Variants in VAMP7 observed in about 807,000 individuals in gnomAD.
VAMP7 encodes the protein vesicle associated membrane protein 7.
In VAMP7, 14 loss-of-function variants were observed where a neutral mutation model predicts 29.6. The observed-to-expected ratio is 0.47, with a 90% CI of 0.31 to 0.74. The LOEUF (loss-of-function observed/expected upper bound fraction) is 0.74, where lower values mean the gene tolerates loss of function less well. Ranked by LOEUF, VAMP7 falls within the 30% of genes least tolerant of loss-of-function variation. The pLI, the probability that VAMP7 is intolerant of heterozygous loss-of-function variation, is 0.05. For synonymous variants in VAMP7, 95 were observed against 88.1 expected (o/e 1.08, Z -0.44); for missense variants, 223 against 262.4 (o/e 0.85, Z 1.04).
At chrX:155,927,832 T>C (rs1035907721) in intron 6 of VAMP7, among the ~76,000 whole-genome samples, 1 of 151,966 alleles carries the variant, frequency 6.6e-6, no homozygotes, top group African/African-American at 2.4e-5. Context: ...TTTCATATGT[T>C]CTCAAAGAGA....
intron 6 of VAMP7, among the ~76,000 whole-genome samples, chrX:155,929,298 A>G (rs2066514091): frequency 6.6e-6 from 1 of 152,214 alleles, no homozygotes; most frequent in Non-Finnish European, 1.5e-5. Flanking sequence ...AAAAAAGGAG[A>G]GGCAGTATCT....
intron 5 of VAMP7, among the ~76,000 whole-genome samples, chrX:155,918,638 C>A (rs776490739): frequency 4.9e-4 from 75 of 152,250 alleles, no homozygotes; most frequent in African/African-American, 1.7e-3. Context: ...TGGGCTGCAC[C>A]CACTGTCTAA....
chrX:155,932,950 A>G lies in VAMP7; in HGVS notation c.502-6751A>G, dbSNP rs923096033. Among the ~76,000 whole-genome samples, 67 of 152,074 alleles carry G rather than the reference A, an allele frequency of 4.4e-4. 2 individuals carry two copies. Among genetic ancestry groups the G allele is most frequent in the Non-Finnish European group, 1.0e-4 (7 of 68,028 alleles). Reference sequence around the variant, plus strand: ...TTTGTCAAAGGCCTTTTCTGCATCTATTGAGATGATCGTGTGTTTTTTGTC... The same window carrying G: ...TTTGTCAAAGGCCTTTTCTGCATCTGTTGAGATGATCGTGTGTTTTTTGTC... On this transcript the variant is annotated intron_variant, in intron 6 of 7. Transcript: ENST00000286448.
At chrX:155,915,459 G>A (rs1007462720) in intron 5 of VAMP7, among the ~76,000 whole-genome samples, 7 of 152,076 alleles carry the variant, frequency 4.6e-5, no homozygotes, top group African/African-American at 1.4e-4. Context: ...TGATGTTAGG[G>A]TGTTGACTTT....
chrX:155,890,119 A>G (rs2065910015), intron 2 of VAMP7, among the ~76,000 whole-genome samples: 2 of 151,942 alleles, frequency 1.3e-5, no homozygotes, highest in East Asian at 3.9e-4. Context: ...AAGTAGAAGG[A>G]ACAGCAGGTA....
Position 155,898,177 on chromosome X carries a change from C to T in VAMP7, c.270C>T (p.Tyr90=), listed in dbSNP as rs147961723. 189 of 1,613,566 alleles carry T rather than the reference C, an allele frequency of 1.2e-4. No homozygotes were observed. The African/African-American group carries it at 2.1e-3, about 18-fold the overall frequency. The change falls in exon 4 of 8, where the codon TAC becomes TAT. Residue 90 remains tyrosine (Y), a synonymous_variant. Transcript: ENST00000286448. Reference sequence around the variant, plus strand: ...TAAAGAAGAGGTTCCAGACTACTTACGGTTCAAGAGCACAGACAGCACTTC... The same window carrying T: ...TAAAGAAGAGGTTCCAGACTACTTATGGTTCAAGAGCACAGACAGCACTTC... ...NEIKKRFQTT[Y]GSRAQTALPY... is the part of the protein sequence containing the mutation.
intron 3 of VAMP7, among the ~76,000 whole-genome samples, chrX:155,897,305 C>G (rs781713768): frequency 6.6e-6 from 1 of 152,162 alleles, no homozygotes; most frequent in South Asian, 2.1e-4. Flanking sequence ...ATTTAAGAAC[C>G]CTTGGCTTAG....
At chrX:155,909,123 G>A (rs1350625742) in intron 5 of VAMP7, among the ~76,000 whole-genome samples, 3 of 152,052 alleles carry the variant, frequency 2.0e-5, no homozygotes, top group Non-Finnish European at 2.9e-5. Flanking sequence ...CTCCATGCCC[G>A]GCCTGAAGTT....
intron 1 of VAMP7, among the ~76,000 whole-genome samples, chrX:155,888,997 A>G (rs1242557742): frequency 2.0e-5 from 3 of 152,168 alleles, no homozygotes; most frequent in Admixed American, 6.6e-5. Flanking sequence ...TAAACAATAA[A>G]TATAGGCTAT....
At position 155,910,970 on chromosome X, in the gene VAMP7, G is replaced by A. The variant is rs767999913; in HGVS notation, c.434-8843G>A. The stretch of plus-strand genomic sequence containing the variant: ...GTCCTATTTGTCTATTTTTCTTTTC[G>A]TTACCTGTCCTTTTGAGGTGTTAGC... On this transcript the variant is annotated intron_variant, in intron 5 of 7. Transcript: ENST00000286448. Among the ~76,000 whole-genome samples the A allele has an allele frequency of 7.3e-5, 11 of 151,716 alleles. No individual in the cohort carries two copies. The South Asian group carries it at 2.1e-3, about 29-fold the overall frequency.
chrX:155,898,045 G>A, intron 3 of VAMP7, 67 bp from the exon 4 acceptor site: 2 of 1,564,786 alleles, frequency 1.3e-6, no homozygotes, highest in Non-Finnish European at 1.7e-6. Flanking sequence ...TTTTATTGTT[G>A]TTCTTAATCA....
chrX:155,895,759 G>T, intron 3 of VAMP7, 79 bp downstream of exon 3: 3 of 1,334,782 alleles, frequency 2.2e-6, no homozygotes, highest in South Asian at 2.5e-5. Context: ...TATACCAGGG[G>T]TCCCCAACCC....
intron 1 of VAMP7, among the ~76,000 whole-genome samples, chrX:155,888,893 A>G (rs1450591354): frequency 6.6e-6 from 1 of 152,170 alleles, no homozygotes; most frequent in East Asian, 1.9e-4. Flanking sequence ...CTCATCTATA[A>G]TAGAAGTATC....
chrX:155,906,864 A>T (rs941964343), intron 5 of VAMP7, among the ~76,000 whole-genome samples: 6 of 152,178 alleles, frequency 3.9e-5, no homozygotes, highest in Admixed American at 1.3e-4. Flanking sequence ...AGAAGTGGTA[A>T]GAGTGGACAT....
chrX:155,928,891 A>G (rs982962041), intron 6 of VAMP7, among the ~76,000 whole-genome samples: 1 of 152,154 alleles, frequency 6.6e-6, no homozygotes, highest in African/African-American at 2.4e-5. Flanking sequence ...TATTAGTTTC[A>G]TTCCTCACTG....
At chrX:155,903,012 G>A (rs1406002700) in intron 5 of VAMP7, among the ~76,000 whole-genome samples, 2 of 151,730 alleles carry the variant, frequency 1.3e-5, no homozygotes, top group African/African-American at 4.8e-5. Flanking sequence ...ACTCTTTTCG[G>A]TTGGTAAGCT....
chrX:155,937,474 T>G (rs1469580018), intron 6 of VAMP7, among the ~76,000 whole-genome samples: 2 of 152,232 alleles, frequency 1.3e-5, no homozygotes, highest in East Asian at 3.8e-4. Context: ...TTAGCTTGAT[T>G]GTGGTAATAA....
At chrX:155,929,568 T>G (rs2066518207) in intron 6 of VAMP7, among the ~76,000 whole-genome samples, 2 of 152,130 alleles carry the variant, frequency 1.3e-5, no homozygotes, top group South Asian at 4.2e-4. Flanking sequence ...CTTTTCTCAT[T>G]TCCCCCTTTT....
intron 6 of VAMP7, among the ~76,000 whole-genome samples, chrX:155,931,563 TTTC>T (rs2066555403): frequency 1.3e-5 from 2 of 152,208 alleles, no homozygotes; most frequent in South Asian, 4.1e-4. Flanking sequence ...GGGTTGTTTG[TTTC>T]TTTTCTTATA....
Sources: allele counts gnomAD v4.1 joint callset (sites outside exome capture counted in the v4.1 genomes callset), GRCh38; gene constraint gnomAD v4.1.1; transcripts MANE v1.5; gene names NCBI Gene and HGNC (gene_info 2026-07-23, HGNC 2026-07-21).